The following PCDH9 variants were observed in gnomAD, a reference collection of about 807,000 sequenced individuals.
PCDH9 encodes protocadherin 9, also known as protocadherin-9.
Under a neutral mutation model 70.6 loss-of-function variants are expected in PCDH9, and 24 were observed. The ratio of observed to expected loss-of-function variants is 0.34; its 90% CI spans 0.25 to 0.48. The LOEUF (loss-of-function observed/expected upper bound fraction) is 0.48. Among genes scored for constraint, PCDH9 ranks in the 20% least tolerant of loss-of-function variants. The pLI, the probability that PCDH9 is intolerant of heterozygous loss-of-function variation, is 0.99. For synonymous variants in PCDH9, 562 were observed against 558.5 expected, an observed-to-expected ratio of 1.01 and a Z score of -0.09; for missense variants, 1,281 against 1,503.6, an observed-to-expected ratio of 0.85 and a Z score of 2.45.
chr13:67,081,332 G>T, intron 2 of PCDH9, among the ~76,000 whole-genome samples: 1 of 152,150 alleles, frequency 6.6e-6, no homozygotes. Flanking sequence ...ACTTTGTGAG[G>T]CCCAGGCAGA....
intron 4 of PCDH9, among the ~76,000 whole-genome samples, chr13:66,624,068 T>C (rs1028589127): frequency 2.0e-5 from 3 of 152,268 alleles, no homozygotes; most frequent in Middle Eastern, 3.4e-3. Context: ...TAAAGAAATA[T>C]CAGATACAGA....
chr13:66,970,400 G>A (rs1288511936), intron 2 of PCDH9, among the ~76,000 whole-genome samples: 1 of 151,716 alleles, frequency 6.6e-6, no homozygotes, highest in Admixed American at 6.6e-5. Context: ...GGGCCAAGGA[G>A]GGTGGATCAC....
At position 66,485,127 on chromosome 13, in the gene PCDH9, TA is replaced by T. The variant is rs371482343; in HGVS notation, c.3340+146082del. 3.0e-3 allele frequency among the ~76,000 whole-genome samples: 460 copies of T among 152,316 alleles called. 3 individuals carry two copies. The highest frequency in any genetic ancestry group is 0.011 in the African/African-American group (444 of 41,580). On this transcript the variant is annotated intron_variant, in intron 4 of 4. Transcript: ENST00000377865. ...TTCTAAGGTGTTCGGTACTGACAGT[TA>T]AACAGTATTCTTGAAAACTTGAAGC...
At chr13:66,682,429 G>A in intron 3 of PCDH9, among the ~76,000 whole-genome samples, 1 of 151,660 alleles carries the variant, frequency 6.6e-6, no homozygotes, top group East Asian at 1.9e-4. Flanking sequence ...TTTATTTAGT[G>A]AGAAGGAAGA....
chr13:66,781,617 T>C (rs2139299324), intron 3 of PCDH9, among the ~76,000 whole-genome samples: 1 of 152,328 alleles, frequency 6.6e-6, no homozygotes, highest in Middle Eastern at 3.4e-3. Flanking sequence ...GCTTATATGA[T>C]CTTGCATTCT....
At chr13:67,000,198 T>C (rs545070658) in intron 2 of PCDH9, among the ~76,000 whole-genome samples, 10 of 152,052 alleles carry the variant, frequency 6.6e-5, no homozygotes, top group African/African-American at 2.4e-4. Context: ...TGGATGAAAT[T>C]GGAAATCATC....
At chr13:66,680,900 T>C (rs967496668) in intron 3 of PCDH9, among the ~76,000 whole-genome samples, 6 of 152,016 alleles carry the variant, frequency 3.9e-5, no homozygotes, top group Non-Finnish European at 8.8e-5. Context: ...AAAATAAATA[T>C]TATACATATG....
At chr13:66,380,698 C>T (rs985742930) in intron 4 of PCDH9, among the ~76,000 whole-genome samples, 8 of 152,014 alleles carry the variant, frequency 5.3e-5, no homozygotes, top group South Asian at 2.1e-4. Flanking sequence ...CGCCCGCCAC[C>T]ACGCCCGGCT....
chr13:66,529,160 C>T (rs1960334645), intron 4 of PCDH9, among the ~76,000 whole-genome samples: 1 of 152,038 alleles, frequency 6.6e-6, no homozygotes, highest in Admixed American at 6.6e-5. Context: ...GCTAATTGCA[C>T]ATAAAGGCCT....
intron 4 of PCDH9, among the ~76,000 whole-genome samples, chr13:66,397,521 A>T (rs1351025897): frequency 6.7e-6 from 1 of 149,826 alleles, no homozygotes; most frequent in Non-Finnish European, 1.5e-5. Flanking sequence ...ATGTCGATAT[A>T]TATGTATATA....
At chr13:67,006,630 C>T (rs1278029449) in intron 2 of PCDH9, among the ~76,000 whole-genome samples, 1 of 152,170 alleles carries the variant, frequency 6.6e-6, no homozygotes, top group Non-Finnish European at 1.5e-5. Context: ...ATTAAAAACA[C>T]AGAGATGTTT....
At chr13:67,000,855 A>G (rs900920350) in intron 2 of PCDH9, among the ~76,000 whole-genome samples, 2 of 152,178 alleles carry the variant, frequency 1.3e-5, no homozygotes, top group African/African-American at 4.8e-5. Context: ...AAATAGCAAA[A>G]TATTTTCTTC....
chr13:66,460,466 G>T (rs1958403355), intron 4 of PCDH9, among the ~76,000 whole-genome samples: 1 of 151,830 alleles, frequency 6.6e-6, no homozygotes, highest in Admixed American at 6.6e-5. Context: ...AAGTGAAATG[G>T]TGGATATCCA....
At chr13:66,538,524 T>G (rs1424849631) in intron 4 of PCDH9, among the ~76,000 whole-genome samples, 1 of 152,038 alleles carries the variant, frequency 6.6e-6, no homozygotes, top group East Asian at 1.9e-4. Flanking sequence ...AAGTCCCAAA[T>G]CTGCACAGCA....
intron 3 of PCDH9, among the ~76,000 whole-genome samples, chr13:66,782,371 C>A (rs750127882): frequency 4.6e-5 from 7 of 152,074 alleles, no homozygotes; most frequent in Non-Finnish European, 7.4e-5. Context: ...TGTCAGCTGG[C>A]AGATTGATTG....
intron 2 of PCDH9, among the ~76,000 whole-genome samples, chr13:66,981,842 C>G (rs1218149947): frequency 6.6e-6 from 1 of 151,856 alleles, no homozygotes; most frequent in African/African-American, 2.4e-5. Context: ...TTAACGTATC[C>G]CTAAAATTTA....
chr13:66,331,445 T>G (rs1456116284), intron 4 of PCDH9, among the ~76,000 whole-genome samples: 6 of 152,140 alleles, frequency 3.9e-5, no homozygotes, highest in Non-Finnish European at 7.4e-5. Context: ...TTTATTTGAA[T>G]TAACACTTGC....
intron 2 of PCDH9, among the ~76,000 whole-genome samples, chr13:67,117,988 C>T (rs190463627): frequency 6.6e-6 from 1 of 152,016 alleles, no homozygotes; most frequent in Admixed American, 6.6e-5. Context: ...AGTGTAACAT[C>T]GCTCCATAAA....
chr13:66,305,554 G>GT (rs202008285), intron 4 of PCDH9, among the ~76,000 whole-genome samples: 8 of 151,774 alleles, frequency 5.3e-5, no homozygotes, highest in Non-Finnish European at 1.2e-4. Context: ...ATAAAATATT[G>GT]TTTTTTTCTA....
Sources: gnomAD v4.1 joint callset for allele counts (sites outside exome capture counted in the v4.1 genomes callset) on GRCh38, gnomAD v4.1.1 for gene constraint, MANE v1.5 for transcripts, NCBI Gene and HGNC (gene_info 2026-07-23, HGNC 2026-07-21) for gene names.